The following PCDH7 variants were observed in gnomAD, a reference collection of about 807,000 sequenced individuals.
The protein encoded by PCDH7 is protocadherin 7.
Under a neutral mutation model 58.9 loss-of-function variants are expected in PCDH7, and 17 were observed. The ratio of observed to expected loss-of-function variants is 0.29; its 90% confidence interval spans 0.20 to 0.43. The LOEUF (loss-of-function observed/expected upper bound fraction) is 0.43, where lower values mean the gene tolerates loss of function less well. Ranked by LOEUF, PCDH7 falls within the 20% of genes least tolerant of loss-of-function variation. The probability of loss-of-function intolerance (pLI) is 1.00; values close to 1 mark genes in which losing one functional copy is unlikely to be tolerated. For missense variants in PCDH7, 1,274 were observed against 1,441.0 expected, an observed-to-expected ratio of 0.88 and a Z score of 1.88; for synonymous variants, 664 against 616.4, an observed-to-expected ratio of 1.08 and a Z score of -1.14.
chr4:30,821,162 C>T (rs1728324065), intron 1 of PCDH7, among the ~76,000 whole-genome samples: 1 of 152,126 alleles, frequency 6.6e-6, no homozygotes, highest in South Asian at 2.1e-4. Flanking sequence ...CTCTCTGCCT[C>T]CTTGTAACTG....
chr4:31,043,099 G>A (rs1216854926), intron 3 of PCDH7, among the ~76,000 whole-genome samples: 2 of 151,944 alleles, frequency 1.3e-5, no homozygotes, highest in African/African-American at 2.4e-5. Flanking sequence ...TTTTCATGGG[G>A]GCAGAGCTTC....
chr4:30,960,489 A>G (rs1400527604), intron 3 of PCDH7, among the ~76,000 whole-genome samples: 2 of 152,164 alleles, frequency 1.3e-5, no homozygotes, highest in Non-Finnish European at 1.5e-5. Flanking sequence ...TGTTTTTAGA[A>G]TAATCATCTA....
chr4:31,128,188 A>G (rs1718547316), intron 3 of PCDH7, among the ~76,000 whole-genome samples: 1 of 152,020 alleles, frequency 6.6e-6, no homozygotes, highest in Admixed American at 6.6e-5. Context: ...AAAGTCTGAA[A>G]CAAAATCTTC....
At chr4:30,878,631 C>T (rs913674845) in intron 1 of PCDH7, among the ~76,000 whole-genome samples, 6 of 152,016 alleles carry the variant, frequency 3.9e-5, no homozygotes, top group African/African-American at 1.4e-4. Flanking sequence ...GGCAGATCAC[C>T]TGAGGTCAGG....
chr4:30,802,147 A>G (rs755672843), intron 1 of PCDH7, among the ~76,000 whole-genome samples: 19 of 152,172 alleles, frequency 1.2e-4, no homozygotes, highest in Non-Finnish European at 2.4e-4. Context: ...AGGGTAATTA[A>G]GTAACTTGCT....
At chr4:30,840,447 G>A (rs564657745) in intron 1 of PCDH7, among the ~76,000 whole-genome samples, 6 of 152,030 alleles carry the variant, frequency 3.9e-5, no homozygotes, top group South Asian at 2.1e-4. Flanking sequence ...GCCTTATTAC[G>A]TCCCTTGACC....
intron 1 of PCDH7, among the ~76,000 whole-genome samples, chr4:30,869,497 T>C (rs551247237): frequency 4.3e-4 from 66 of 152,268 alleles, no homozygotes; most frequent in African/African-American, 1.4e-3. Flanking sequence ...TGTGTTCTCA[T>C]TGTTCAACTC....
intron 1 of PCDH7, among the ~76,000 whole-genome samples, chr4:30,807,605 A>T (rs549475114): frequency 6.6e-6 from 1 of 152,312 alleles, no homozygotes; most frequent in Non-Finnish European, 1.5e-5. Flanking sequence ...TACTCTTTAT[A>T]ATCACTTAAA....
In PCDH7 at chr4:30,722,451, C is replaced by G; in HGVS notation, c.1029C>G (p.Ile343Met). 1 of 1,611,352 alleles carries G rather than the reference C, an allele frequency of 6.2e-7. No individual in the cohort carries two copies. Among genetic ancestry groups the G allele is most frequent in the Non-Finnish European group, 8.5e-7 (1 of 1,179,280 alleles). ...TGGACGTGGGGGTCAACGGGCAGAT[C>G]GAATACGTGTTCGGGGCGGCCACCG... Residue 343 changes from isoleucine to methionine, a missense_variant, in exon 1 of 2, where the codon ATC becomes ATG. Transcript: ENST00000361762. This position sits in a 1 kb window ranked among gnomAD's most constrained non-coding sequence, Gnocchi z 7.6.
At chr4:30,871,175 T>G (rs1735528570) in intron 1 of PCDH7, among the ~76,000 whole-genome samples, 1 of 152,102 alleles carries the variant, frequency 6.6e-6, no homozygotes, top group Non-Finnish European at 1.5e-5. Flanking sequence ...GATTTTATGC[T>G]TATTAGTTAC....
chr4:30,883,554 C>T (rs1416315745), intron 1 of PCDH7, among the ~76,000 whole-genome samples: 1 of 152,126 alleles, frequency 6.6e-6, no homozygotes, highest in Non-Finnish European at 1.5e-5. Flanking sequence ...CATGGCAACC[C>T]CAAAGACCCA....
intron 3 of PCDH7, among the ~76,000 whole-genome samples, chr4:31,105,750 G>A (rs975498985): frequency 9.9e-5 from 15 of 152,160 alleles, no homozygotes; most frequent in African/African-American, 3.4e-4. Context: ...GCTCACGCCT[G>A]TAATCCCAGC....
chr4:30,891,360 G>C (rs72619199), intron 1 of PCDH7, among the ~76,000 whole-genome samples: 29,696 of 151,972 alleles, frequency 0.2, 3,639 homozygotes, highest in East Asian at 0.29. Flanking sequence ...TCTCGATAGA[G>C]ATGCTGTAAT....
chr4:30,745,404 G>T (rs1474265334), intron 1 of PCDH7, among the ~76,000 whole-genome samples: 1 of 151,588 alleles, frequency 6.6e-6, no homozygotes. Context: ...CTTATCATGT[G>T]TCCTATTAAC....
In PCDH7 at chr4:30,721,552, G is replaced by T. The variant is rs147053362; in HGVS notation, c.130G>T (p.Ala44Ser). 489 of 1,603,684 alleles carry T rather than the reference G, an allele frequency of 3.0e-4. 1 individual carries two copies. In the African/African-American group the frequency reaches 5.9e-3, roughly 19 times the overall value. The stretch of plus-strand genomic sequence containing the variant: ...GTACCGGCTGGCCGAGGAGGGCCCC[G>T]CCGACGTCCGCATCGGCAACGTGGC... The change falls in exon 1 of 2, where the codon GCC becomes TCC. Residue 44 changes from alanine to serine, a missense_variant. Around this residue, in one of 3 missense-constraint regions of PCDH7, gnomAD observed 212 missense variants for 255.8 expected, o/e 0.83. Transcript: ENST00000361762. This position sits in a 1 kb window ranked among gnomAD's most constrained non-coding sequence, Gnocchi z 6.7.
chr4:31,029,566 A>G (rs1754727037), intron 3 of PCDH7, among the ~76,000 whole-genome samples: 1 of 152,220 alleles, frequency 6.6e-6, no homozygotes, highest in Admixed American at 6.5e-5. Context: ...TTTAGCACTG[A>G]CAAGTCTTGG....
chr4:30,935,661 C>T (rs2109430667), intron 2 of PCDH7, among the ~76,000 whole-genome samples: 1 of 152,104 alleles, frequency 6.6e-6, no homozygotes, highest in East Asian at 1.9e-4. Context: ...AGAATAGTTC[C>T]AAAAAGGCTG....
intron 3 of PCDH7, among the ~76,000 whole-genome samples, chr4:31,085,949 C>T (rs2109277090): frequency 6.6e-6 from 1 of 150,424 alleles, no homozygotes; most frequent in African/African-American, 2.4e-5. Flanking sequence ...AGATTTAGTG[C>T]CTAACAGGAA....
At chr4:30,871,290 A>G (rs550159244) in intron 1 of PCDH7, among the ~76,000 whole-genome samples, 65 of 152,200 alleles carry the variant, frequency 4.3e-4, no homozygotes, top group Admixed American at 6.6e-4. Context: ...GAGGATGGGT[A>G]GGGAGCATAG....
Sources: allele counts gnomAD v4.1 joint callset (sites outside exome capture counted in the v4.1 genomes callset), GRCh38; gene constraint gnomAD v4.1.1; regional missense constraint gnomAD v4.1.1; non-coding constraint Gnocchi (gnomAD v3.1); transcripts MANE v1.5; gene names NCBI Gene and HGNC (gene_info 2026-07-23, HGNC 2026-07-21).